Variants in XKR4 observed in about 807,000 individuals in gnomAD.
XKR4 encodes XK-related protein 4.
In XKR4, 12 loss-of-function variants were observed where a neutral mutation model predicts 53.9. That is an observed-to-expected ratio of 0.22 (90% CI 0.14 to 0.36). XKR4 has a LOEUF of 0.36. Among genes scored for constraint, XKR4 ranks in the 10% least tolerant of loss-of-function variants. The pLI is 1.00. For synonymous variants in XKR4, 354 were observed against 362.4 expected (o/e 0.98, Z 0.26); for missense variants, 799 against 859.5 (o/e 0.93, Z 0.88).
At chr8:55,514,448 G>A (rs566017574) in intron 2 of XKR4, among the ~76,000 whole-genome samples, 1 of 152,018 alleles carries the variant, frequency 6.6e-6, no homozygotes, top group South Asian at 2.1e-4. Context: ...ATAGAGACGG[G>A]GTTTCACCAC....
At chr8:55,208,949 G>A (rs1327593214) in intron 1 of XKR4, among the ~76,000 whole-genome samples, 1 of 152,190 alleles carries the variant, frequency 6.6e-6, no homozygotes, top group Non-Finnish European at 1.5e-5. Context: ...TGTATGTAGA[G>A]GATGAAGAGA....
intron 1 of XKR4, among the ~76,000 whole-genome samples, chr8:55,294,615 T>C (rs1819076536): frequency 6.6e-6 from 1 of 152,228 alleles, no homozygotes; most frequent in Non-Finnish European, 1.5e-5. Context: ...GCTGACTCTT[T>C]GTTCACACAA....
rs557794593 is a variant in XKR4, at chr8:55,513,654, T to G, written c.1007-9627T>G. On this transcript the variant is annotated intron_variant, in intron 2 of 2. Transcript: ENST00000327381. ...TCATGTCCATACTCCACCTTGTGTA[T>G]AGGAGGTACTGACACCAGGAGGTTC... Among the ~76,000 whole-genome samples, 40 of 152,316 alleles carry G rather than the reference T, an allele frequency of 2.6e-4. No homozygotes were observed. In the South Asian group the frequency reaches 8.3e-3, roughly 32 times the overall value.
At chr8:55,254,534 CT>C (rs961789110) in intron 1 of XKR4, among the ~76,000 whole-genome samples, 14 of 152,210 alleles carry the variant, frequency 9.2e-5, no homozygotes, top group Admixed American at 3.9e-4. Context: ...ACTCGTGATC[CT>C]TTTTTTGACT....
At chr8:55,367,231 T>TTGTG (rs58010809) in intron 2 of XKR4, among the ~76,000 whole-genome samples, 65 of 150,454 alleles carry the variant, frequency 4.3e-4, no homozygotes, top group African/African-American at 1.1e-3. Flanking sequence ...ACATACATTA[T>TTGTG]TGTGTGTGTG....
intron 1 of XKR4, among the ~76,000 whole-genome samples, chr8:55,241,743 C>G (rs1262421096): frequency 6.6e-6 from 1 of 152,130 alleles, no homozygotes; most frequent in Non-Finnish European, 1.5e-5. Flanking sequence ...TCCTGCCTAC[C>G]TTGATGTTTC....
At chr8:55,112,096 A>C (rs1239402798) in intron 1 of XKR4, among the ~76,000 whole-genome samples, 1 of 152,198 alleles carries the variant, frequency 6.6e-6, no homozygotes, top group African/African-American at 2.4e-5. Flanking sequence ...ACCCCATGCC[A>C]ACATTTCAGA....
Position 55,412,988 on chromosome 8 carries a change from C to T in XKR4, c.1006+55111C>T, listed in dbSNP as rs558842390. 2.6e-5 allele frequency among the ~76,000 whole-genome samples: 4 copies of T among 152,334 alleles called. No homozygotes were observed. In the East Asian group the frequency reaches 7.7e-4, roughly 29 times the overall value. ...CGATCCTCATGTTTAAGTCAGATAA[C>T]AATGTCATTGACAGCAACGTTCTGC... On this transcript the variant is annotated intron_variant, in intron 2 of 2. Transcript: ENST00000327381.
intron 1 of XKR4, among the ~76,000 whole-genome samples, chr8:55,284,657 T>G (rs771376542): frequency 9.2e-5 from 14 of 152,168 alleles, no homozygotes; most frequent in Non-Finnish European, 1.9e-4. Context: ...ATGCCTTTTA[T>G]GTCCTAGTCA....
intron 2 of XKR4, among the ~76,000 whole-genome samples, chr8:55,361,667 T>G (rs1177675649): frequency 6.6e-6 from 1 of 151,956 alleles, no homozygotes; most frequent in Non-Finnish European, 1.5e-5. Flanking sequence ...AGTGTTCCCC[T>G]TGGCACTCAT....
At chr8:55,221,680 C>CA (rs1817883917) in intron 1 of XKR4, among the ~76,000 whole-genome samples, 1 of 152,200 alleles carries the variant, frequency 6.6e-6, no homozygotes, top group Admixed American at 6.5e-5. Flanking sequence ...GCAACCTCCC[C>CA]AGTGCAGTGA....
intron 1 of XKR4, among the ~76,000 whole-genome samples, chr8:55,217,655 A>G (rs1817824154): frequency 6.6e-6 from 1 of 152,218 alleles, no homozygotes; most frequent in Admixed American, 6.5e-5. Context: ...AACTAAAAAG[A>G]GTTGTGGATA....
chr8:55,190,717 C>A (rs546116182), intron 1 of XKR4, among the ~76,000 whole-genome samples: 1 of 152,224 alleles, frequency 6.6e-6, no homozygotes, highest in African/African-American at 2.4e-5. Context: ...AGACAGGGGC[C>A]ATCACTTGTT....
chr8:55,319,724 CA>C (rs1320976373), intron 1 of XKR4, among the ~76,000 whole-genome samples: 1 of 152,156 alleles, frequency 6.6e-6, no homozygotes, highest in African/African-American at 2.4e-5. Context: ...CTACATTAGG[CA>C]AAAGCTATTT....
chr8:55,397,747 C>T (rs1389961857), intron 2 of XKR4, among the ~76,000 whole-genome samples: 1 of 152,116 alleles, frequency 6.6e-6, no homozygotes, highest in Non-Finnish European at 1.5e-5. Context: ...CAGCTAAGCC[C>T]TTCATCAATG....
At chr8:55,267,139 G>A (rs1344248072) in intron 1 of XKR4, among the ~76,000 whole-genome samples, 6 of 152,110 alleles carry the variant, frequency 3.9e-5, no homozygotes, top group Non-Finnish European at 8.8e-5. Flanking sequence ...GGTGTGGGAG[G>A]TGAAGGGGAG....
chr8:55,206,002 A>T (rs1817643271), intron 1 of XKR4, among the ~76,000 whole-genome samples: 1 of 152,040 alleles, frequency 6.6e-6, no homozygotes, highest in Admixed American at 6.6e-5. Flanking sequence ...TGAGTGTTAC[A>T]GCTCTTAAAG....
chr8:55,142,201 C>T (rs1417594142), intron 1 of XKR4: 13 of 456,054 alleles, frequency 2.9e-5, no homozygotes. Flanking sequence ...TGCTGATCTG[C>T]TGGTCAAACG....
intron 1 of XKR4, among the ~76,000 whole-genome samples, chr8:55,201,280 A>T (rs966264753): frequency 6.6e-6 from 1 of 152,244 alleles, no homozygotes; most frequent in Non-Finnish European, 1.5e-5. Flanking sequence ...TTGTGGCTGC[A>T]GTTGAATTGA....
Sources: gnomAD v4.1 joint callset for allele counts (sites outside exome capture counted in the v4.1 genomes callset) on GRCh38, gnomAD v4.1.1 for gene constraint, MANE v1.5 for transcripts, NCBI Gene and HGNC (gene_info 2026-07-23, HGNC 2026-07-21) for gene names.